PCDHGB4: variants seen among roughly 807,000 people sequenced by gnomAD.
The protein encoded by PCDHGB4 is protocadherin gamma subfamily B, 4.
PCDHGB4 carries 38 observed loss-of-function variants against 60.5 expected under a neutral mutation model. The ratio of observed to expected loss-of-function variants is 0.63; its 90% confidence interval spans 0.48 to 0.82. PCDHGB4 has a LOEUF of 0.82. Among genes scored for constraint, PCDHGB4 ranks in the 40% least tolerant of loss-of-function variants. The probability of loss-of-function intolerance (pLI) is 0.00; values close to 1 mark genes in which losing one functional copy is unlikely to be tolerated. For missense variants in PCDHGB4, 1,109 were observed against 1,209.6 expected, an observed-to-expected ratio of 0.92 and a Z score of 1.23; for synonymous variants, 456 against 509.7, an observed-to-expected ratio of 0.89 and a Z score of 1.42.
At chr5:141,415,503 G>A (rs1354902623) in intron 1 of PCDHGB4, 1 of 1,614,212 alleles carries the variant, frequency 6.2e-7, no homozygotes. Flanking sequence ...TCTTCCCCCA[G>A]CCCAATTATG....
At chr5:141,503,814 T>C (rs539980053) in intron 2 of PCDHGB4, among the ~76,000 whole-genome samples, 2 of 152,100 alleles carry the variant, frequency 1.3e-5, no homozygotes, top group East Asian at 3.9e-4. Flanking sequence ...GAATCCCAGA[T>C]TGGGCAAAAC....
At chr5:141,482,234 A>G (rs11748256) in intron 1 of PCDHGB4, among the ~76,000 whole-genome samples, 44,758 of 152,044 alleles carry the variant, frequency 0.29, 7,110 homozygotes, top group African/African-American at 0.42. Context: ...GAAATTGCCA[A>G]TATAAGTATA....
intron 1 of PCDHGB4, chr5:141,492,027 A>T (rs1157170828): frequency 8.8e-6 from 5 of 565,466 alleles, no homozygotes; most frequent in African/African-American, 7.7e-5. Flanking sequence ...GGGTCCCGGG[A>T]GGAGGCAGTC....
chr5:141,477,223 T>C lies in PCDHGB4; in HGVS notation c.2398-17584T>C. The C allele has an allele frequency of 6.2e-7, 1 of 1,614,198 alleles. No homozygotes were observed. On this transcript the variant is annotated intron_variant, in intron 1 of 3. Coordinates refer to ENST00000519479, the MANE Select transcript of PCDHGB4 (RefSeq NM_003736.4). This position sits in a 1 kb window ranked among gnomAD's most constrained non-coding sequence, Gnocchi z 4.9. ...TACCCGAGGATGCCCCTCTGGGGAC[T>C]GTCATCGCTTTGCTCAGTGTGACTG... is the stretch of plus-strand genomic sequence containing the variant.
At chr5:141,408,683 G>C in intron 1 of PCDHGB4, 2 of 1,613,906 alleles carry the variant, frequency 1.2e-6, no homozygotes, top group Non-Finnish European at 1.7e-6. Flanking sequence ...CACGGATCCT[G>C]ATATAAACAT....
chr5:141,414,209 A>G (rs2095719803), intron 1 of PCDHGB4: 3 of 1,612,712 alleles, frequency 1.9e-6, no homozygotes, highest in South Asian at 2.2e-5. Flanking sequence ...GAAGATGTAA[A>G]TGACAACAGT....
intron 1 of PCDHGB4, chr5:141,478,160 GC>G (rs764598056): frequency 1.9e-6 from 3 of 1,613,964 alleles, no homozygotes; most frequent in Non-Finnish European, 2.5e-6. Flanking sequence ...CTCTGGCTCT[GC>G]CCCCCGGGAG....
chr5:141,393,078 A>G, intron 1 of PCDHGB4: 1 of 1,613,718 alleles, frequency 6.2e-7, no homozygotes, highest in Non-Finnish European at 8.5e-7. Context: ...CACCGCGGGC[A>G]GGATAGATCG....
At chr5:141,418,674 GCAT>G (rs1401114725) in intron 1 of PCDHGB4, 1 of 1,614,032 alleles carries the variant, frequency 6.2e-7, no homozygotes, top group Non-Finnish European at 8.5e-7. Flanking sequence ...CAGGACGAGG[GCAT>G]CAACTCAGAG....
At chr5:141,403,560 A>G in intron 1 of PCDHGB4, 1 of 1,613,972 alleles carries the variant, frequency 6.2e-7, no homozygotes, top group Non-Finnish European at 8.5e-7. Context: ...CTGGACAGGG[A>G]GGAGGCAACT....
chr5:141,511,560 TC>T lies in PCDHGB4; in HGVS notation c.*390del. ...CCACCCCACTCCAACAGTTCCTCTT[TC>T]CCGAGTAAGGTGGTTGGGGTGTTGA... On this transcript the variant is annotated 3_prime_UTR_variant, in exon 4 of 4. Transcript: ENST00000519479. 3.3e-6 allele frequency: 1 copy of T among 298,990 alleles called. No individual in the cohort carries two copies. The highest frequency in any genetic ancestry group is 3.7e-5 in the South Asian group (1 of 27,250). The allele number at this position is 298,990 out of a possible 1,614,324, so 18.5% of individuals were successfully genotyped here. A position where few individuals can be genotyped will look rare whatever the true frequency, so the allele number is the denominator to read the frequency against.
Position 141,491,248 on chromosome 5 carries a change from G to T in PCDHGB4, c.2398-3559G>T, listed in dbSNP as rs757712577. On this transcript the variant is annotated intron_variant, in intron 1 of 3. Transcript: ENST00000519479. The surrounding 1 kb of genome is among the most constrained non-coding windows in gnomAD (Gnocchi z 6.9). ...AGTGCTGCTGGTTCTGGAGGATGAG[G>T]ACCCTGAGGAAATGCCCAAATCCAG... 3 of 1,614,170 alleles carry T rather than the reference G, an allele frequency of 1.9e-6. No individual in the cohort carries two copies. Among genetic ancestry groups the T allele is most frequent in the Non-Finnish European group, 2.5e-6 (3 of 1,180,018 alleles).
chr5:141,399,695 C>G, intron 1 of PCDHGB4: 1 of 1,613,480 alleles, frequency 6.2e-7, no homozygotes, highest in South Asian at 1.1e-5. Flanking sequence ...CAGCTGCGCA[C>G]CTTCGAACTC....
rs539620413 is a variant in PCDHGB4, at chr5:141,488,489, G to GT, written c.2398-6317dup. Among the ~76,000 whole-genome samples the GT allele has an allele frequency of 1.6e-4, 25 of 152,268 alleles. No homozygotes were observed. In the South Asian group the frequency reaches 4.6e-3, roughly 28 times the overall value. On this transcript the variant is annotated intron_variant, in intron 1 of 3. Transcript: ENST00000519479. ...AGAAATGTTCCCCTACCCAAAAACT[G>GT]TAACACTCATTCCACATTTGGGGTC...
chr5:141,409,591 G>A (rs72790040), intron 1 of PCDHGB4: 42,493 of 1,613,766 alleles, frequency 0.026, 744 homozygotes, highest in East Asian at 0.041. Context: ...ACGTGGCCGA[G>A]AACAACCCGC....
chr5:141,413,042 G>T, intron 1 of PCDHGB4: 1 of 857,566 alleles, frequency 1.2e-6, no homozygotes, highest in Non-Finnish European at 1.7e-6. Context: ...CTGCTGGGCT[G>T]CAGGGAAGCT....
Position 141,420,177 on chromosome 5 carries a change from A to G in PCDHGB4, c.2397+29896A>G, listed in dbSNP as rs1188698450. The G allele has an allele frequency of 2.5e-6, 4 of 1,613,992 alleles. No homozygotes were observed. Among genetic ancestry groups the G allele is most frequent in the South Asian group, 2.2e-5 (2 of 91,086 alleles). ...TTTAATTTTTTCACATCTGTTGATC[A>G]TTGTCCAGCCACACAAGATAACCTC... On this transcript the variant is annotated intron_variant, in intron 1 of 3. Coordinates refer to ENST00000519479, the MANE Select transcript of PCDHGB4 (RefSeq NM_003736.4).
rs543209695 is a variant in PCDHGB4, at chr5:141,431,563, C to A, written c.2397+41282C>A. The stretch of plus-strand genomic sequence containing the variant: ...AGCTGCTTGTAGTCAACGCTACCGA[C>A]CCTGACGAAGGAGTCAATGCGGAAG... On this transcript the variant is annotated intron_variant, in intron 1 of 3. Coordinates refer to ENST00000519479, the MANE Select transcript of PCDHGB4 (RefSeq NM_003736.4). The surrounding 1 kb of genome is among the most constrained non-coding windows in gnomAD (Gnocchi z 4.8). 1.2e-6 allele frequency: 2 copies of A among 1,614,144 alleles called. No individual in the cohort carries two copies. The highest frequency in any genetic ancestry group is 2.7e-5 in the African/African-American group (2 of 75,072).
In PCDHGB4 at chr5:141,485,062, C is replaced by T. The variant is rs2099606141; in HGVS notation, c.2398-9745C>T. 2.3e-6 allele frequency: 2 copies of T among 876,222 alleles called. No individual in the cohort carries two copies. Among genetic ancestry groups the T allele is most frequent in the Non-Finnish European group, 3.6e-6 (2 of 552,684 alleles). 54.3% of individuals were successfully genotyped at this position (876,222 alleles called of 1,614,324 possible). ...CCTTGCGGCGCCGGCCGAACCGCGCCAGAGCTGGCGCGGGGAAAGGGAGAT... is the reference window on the plus strand; with the variant it reads ...CCTTGCGGCGCCGGCCGAACCGCGCTAGAGCTGGCGCGGGGAAAGGGAGAT... On this transcript the variant is annotated intron_variant, in intron 1 of 3. Coordinates refer to ENST00000519479, the MANE Select transcript of PCDHGB4 (RefSeq NM_003736.4). The surrounding 1 kb of genome is among the most constrained non-coding windows in gnomAD (Gnocchi z 5.7).
Sources: gnomAD v4.1 joint callset for allele counts (sites outside exome capture counted in the v4.1 genomes callset) on GRCh38, gnomAD v4.1.1 for gene constraint, Gnocchi (gnomAD v3.1) non-coding constraint, MANE v1.5 for transcripts, NCBI Gene and HGNC (gene_info 2026-07-23, HGNC 2026-07-21) for gene names.